The following HGSNAT variants were observed in gnomAD, a reference collection of about 807,000 sequenced individuals.
The protein encoded by HGSNAT is transmembrane protein 76.
In HGSNAT, 59 loss-of-function variants were observed where a neutral mutation model predicts 85.2. The observed-to-expected ratio is 0.69, with a 90% CI of 0.56 to 0.86. The LOEUF is 0.86. HGSNAT is among the 40% of genes least tolerant of loss of function. The probability of loss-of-function intolerance (pLI) is 0.00; values close to 1 mark genes in which losing one functional copy is unlikely to be tolerated. For synonymous variants in HGSNAT, 321 were observed against 304.5 expected, an observed-to-expected ratio of 1.05 and a Z score of -0.56; for missense variants, 756 against 777.1, an observed-to-expected ratio of 0.97 and a Z score of 0.32.
intron 2 of HGSNAT, among the ~76,000 whole-genome samples, chr8:43,153,502 G>A (rs993924335): frequency 1.3e-5 from 2 of 152,076 alleles, no homozygotes; most frequent in African/African-American, 2.4e-5. Flanking sequence ...CAATGTACAC[G>A]TTGGGTAATG....
Position 43,170,601 on chromosome 8 carries a change from G to T in HGSNAT, c.650G>T (p.Ser217Ile). The T allele has an allele frequency of 6.2e-7, 1 of 1,608,758 alleles. No homozygotes were observed. Among genetic ancestry groups the T allele is most frequent in the Non-Finnish European group, 8.5e-7 (1 of 1,177,566 alleles). ...RLINSELGSPSRTDPLDGDVQ... is the reference protein window; with the variant it reads ...RLINSELGSPIRTDPLDGDVQ... ...TTTCTGAAGGAGCTGGGATCTCCCA[G>T]CAGGACAGACCCTCTCGATGGTGAT... The change falls in exon 7 of 18, where the codon AGC becomes ATC. Residue 217 changes from serine (S) to isoleucine (I), a missense_variant. Coordinates refer to ENST00000379644, the MANE Select transcript of HGSNAT (RefSeq NM_152419.3).
At chr8:43,171,435 A>G (rs540589777) in intron 7 of HGSNAT, among the ~76,000 whole-genome samples, 1 of 152,274 alleles carries the variant, frequency 6.6e-6, no homozygotes, top group African/African-American at 2.4e-5. Context: ...AATTTATTTA[A>G]TCTCTTAGTA....
chr8:43,176,994 G>C (rs1157752417), intron 9 of HGSNAT, among the ~76,000 whole-genome samples: 1 of 152,088 alleles, frequency 6.6e-6, no homozygotes, highest in South Asian at 2.1e-4. Context: ...TGCAAACAAG[G>C]GTACTTTGAC....
intron 9 of HGSNAT, among the ~76,000 whole-genome samples, chr8:43,176,933 A>C (rs1803830082): frequency 1.3e-5 from 2 of 152,180 alleles, no homozygotes; most frequent in South Asian, 2.1e-4. Context: ...GATCAGTTCT[A>C]ATAGTTTTCT....
At chr8:43,148,724 C>T (rs1490480233) in intron 2 of HGSNAT, among the ~76,000 whole-genome samples, 23 of 141,260 alleles carry the variant, frequency 1.6e-4, no homozygotes, top group Admixed American at 1.5e-3. Context: ...TGGGTGGAGG[C>T]GGAGGTTGCA....
At chr8:43,172,237 A>G in intron 7 of HGSNAT, 73 bp from the exon 8 acceptor site, 1 of 995,626 alleles carries the variant, frequency 1.0e-6, no homozygotes, top group Non-Finnish European at 1.6e-6. Context: ...GTGAGTATAA[A>G]TGTGTCTTCA....
chr8:43,157,218 A>G (rs1156615526), intron 2 of HGSNAT, among the ~76,000 whole-genome samples: 2 of 152,224 alleles, frequency 1.3e-5, no homozygotes, highest in Non-Finnish European at 2.9e-5. Flanking sequence ...TTCACACCAT[A>G]GGAAACAAAA....
intron 11 of HGSNAT, among the ~76,000 whole-genome samples, chr8:43,185,032 T>G (rs1804259429): frequency 6.6e-6 from 1 of 152,236 alleles, no homozygotes; most frequent in Non-Finnish European, 1.5e-5. Flanking sequence ...CTGTTTTGGT[T>G]ACTGTAGCCT....
intron 1 of HGSNAT, among the ~76,000 whole-genome samples, chr8:43,144,324 CAAA>C (rs1398224071): frequency 6.2e-5 from 4 of 64,950 alleles, no homozygotes; most frequent in Admixed American, 1.9e-4. Context: ...GACTCTGTCT[CAAA>C]AAAAAAAAAA....
At chr8:43,188,821 G>A (rs1804418613) in intron 11 of HGSNAT, among the ~76,000 whole-genome samples, 1 of 152,194 alleles carries the variant, frequency 6.6e-6, no homozygotes, top group Admixed American at 6.5e-5. Context: ...ATGTACAGAT[G>A]GGGTTTTGGT....
At chr8:43,147,193 A>G (rs1445777343) in intron 2 of HGSNAT, 130 bp downstream of exon 2, 1 of 587,528 alleles carries the variant, frequency 1.7e-6, no homozygotes, top group Non-Finnish European at 2.9e-6. Flanking sequence ...GAAGCTATAT[A>G]AAGAGTCGGA....
chr8:43,191,805 C>T (rs1804539819), intron 12 of HGSNAT, among the ~76,000 whole-genome samples: 1 of 152,146 alleles, frequency 6.6e-6, no homozygotes, highest in Admixed American at 6.5e-5. Flanking sequence ...GAATTCGGGC[C>T]TCCCACCTTC....
At chr8:43,163,204 A>G (rs1803322972) in intron 5 of HGSNAT, among the ~76,000 whole-genome samples, 1 of 152,116 alleles carries the variant, frequency 6.6e-6, no homozygotes, top group Non-Finnish European at 1.5e-5. Flanking sequence ...AAAGTAATTG[A>G]TAGCTGAGAT....
chr8:43,188,724 G>A (rs576067597), intron 11 of HGSNAT, among the ~76,000 whole-genome samples: 51 of 152,280 alleles, frequency 3.3e-4, no homozygotes, highest in African/African-American at 5.8e-4. Context: ...GAGAAGAGGC[G>A]CTCTGATTTT....
chr8:43,195,376 T>C (rs563019697), intron 14 of HGSNAT, among the ~76,000 whole-genome samples: 1 of 152,164 alleles, frequency 6.6e-6, no homozygotes, highest in African/African-American at 2.4e-5. Flanking sequence ...GAAAATGTTA[T>C]TAAGAAAGCC....
At chr8:43,168,763 G>A (rs1311847866) in intron 5 of HGSNAT, among the ~76,000 whole-genome samples, 1 of 152,134 alleles carries the variant, frequency 6.6e-6, no homozygotes, top group East Asian at 1.9e-4. Context: ...TTGCTTTCAT[G>A]ACTGTATCAC....
In HGSNAT at chr8:43,183,372, G is replaced by A. The variant is rs563468608; in HGVS notation, c.1128+1112G>A. On this transcript the variant is annotated intron_variant, in intron 11 of 17. Coordinates refer to ENST00000379644, the MANE Select transcript of HGSNAT (RefSeq NM_152419.3). ...TGTAGAGACGAGGTTTCACTGTGTT[G>A]CCCAGGCTGGTCTTGAACTCCTGGG... Among the ~76,000 whole-genome samples the A allele has an allele frequency of 1.6e-4, 24 of 151,812 alleles. No individual in the cohort carries two copies. The South Asian group carries it at 5.0e-3, about 32-fold the overall frequency.
At chr8:43,165,674 C>T (rs900150772) in intron 5 of HGSNAT, among the ~76,000 whole-genome samples, 4 of 152,222 alleles carry the variant, frequency 2.6e-5, no homozygotes, top group African/African-American at 9.6e-5. Flanking sequence ...TAGTGGCTCA[C>T]ACCTGTAATC....
intron 14 of HGSNAT, chr8:43,196,510 C>A (rs1030736802): frequency 1.6e-6 from 2 of 1,290,102 alleles, no homozygotes; most frequent in African/African-American, 3.0e-5. Flanking sequence ...TTGGGCCCTG[C>A]CTGGAAGTAA....
Sources: allele counts gnomAD v4.1 joint callset (sites outside exome capture counted in the v4.1 genomes callset), GRCh38; gene constraint gnomAD v4.1.1; transcripts MANE v1.5; gene names NCBI Gene and HGNC (gene_info 2026-07-23, HGNC 2026-07-21).